Variants in TMEM209 observed in about 807,000 individuals in gnomAD.
TMEM209 encodes transmembrane protein 209.
In TMEM209, 65 loss-of-function variants were observed where a neutral mutation model predicts 76.2. The observed-to-expected ratio is 0.85, with a 90% confidence interval of 0.70 to 1.05. The LOEUF (loss-of-function observed/expected upper bound fraction) is 1.05. TMEM209 is among the 50% of genes least tolerant of loss of function. The pLI is 0.00. For missense variants in TMEM209, 623 were observed against 685.5 expected (o/e 0.91, Z 1.02); for synonymous variants, 239 against 237.6 (o/e 1.01, Z -0.06).
intron 13 of TMEM209, among the ~76,000 whole-genome samples, chr7:130,172,400 T>C (rs1215077664): frequency 6.6e-6 from 1 of 152,078 alleles, no homozygotes; most frequent in East Asian, 1.9e-4. Context: ...TGGAGTGCAG[T>C]GGCGTGATCT....
chr7:130,193,232 T>TG (rs1352108241), intron 5 of TMEM209, among the ~76,000 whole-genome samples: 8 of 152,198 alleles, frequency 5.3e-5, no homozygotes, highest in Admixed American at 2.0e-4. Flanking sequence ...AATTAGGTAA[T>TG]GGAGTATTAG....
chr7:130,198,701 A>G (rs1232910846), intron 5 of TMEM209, among the ~76,000 whole-genome samples: 2 of 152,242 alleles, frequency 1.3e-5, no homozygotes, highest in Non-Finnish European at 2.9e-5. Context: ...ATAAATTCTG[A>G]TACTGAAGCA....
chr7:130,195,782 G>A (rs73487932), intron 5 of TMEM209, among the ~76,000 whole-genome samples: 2,379 of 152,102 alleles, frequency 0.016, 62 homozygotes, highest in African/African-American at 0.054. Context: ...ATTACATTCT[G>A]TAAAGTGAAA....
chr7:130,177,362 A>AG lies in TMEM209; in HGVS notation c.1246+1039_1246+1040insC, dbSNP rs1416780860. Among the ~76,000 whole-genome samples, 3 of 151,956 alleles carry AG rather than the reference A, an allele frequency of 2.0e-5. No homozygotes were observed. The East Asian group carries it at 5.8e-4, about 29-fold the overall frequency. On this transcript the variant is annotated intron_variant, in intron 10 of 14. Transcript: ENST00000397622. Reference sequence around the variant, plus strand: ...GAGACTGTCTCCAAAAAAAAAAAAAAAAGAATGATAATTGTATTCTGGTTA... The same window carrying AG: ...GAGACTGTCTCCAAAAAAAAAAAAAAGAAGAATGATAATTGTATTCTGGTTA...
rs142714619 is a variant in TMEM209 at position 130,174,926 on chromosome 7, C to A, written c.1344+586G>T. Among the ~76,000 whole-genome samples, 335 of 151,424 alleles carry A rather than the reference C, an allele frequency of 2.2e-3. 4 individuals carry two copies. The highest frequency in any genetic ancestry group is 1.5e-3 in the Non-Finnish European group (103 of 67,886). ...AAGTAAAAAAAAACCCTAAATATTA[C>A]AGAAGTGGAAAAAAAGCAGAATACA... On this transcript the variant is annotated intron_variant, in intron 11 of 14. Coordinates refer to ENST00000397622, the MANE Select transcript of TMEM209 (RefSeq NM_032842.4).
chr7:130,188,262 A>C lies in TMEM209; in HGVS notation c.776-2895T>G, dbSNP rs1259082406. 2.0e-5 allele frequency among the ~76,000 whole-genome samples: 3 copies of C among 152,206 alleles called. No homozygotes were observed. The East Asian group carries it at 5.8e-4, about 29-fold the overall frequency. Reference sequence around the variant, plus strand: ...TAAAACAGAATGCTCCTCTTTAGAGAAGAATGCCAAACTATGAAGTGTAGA... The same window carrying C: ...TAAAACAGAATGCTCCTCTTTAGAGCAGAATGCCAAACTATGAAGTGTAGA... On this transcript the variant is annotated intron_variant, in intron 6 of 14. Coordinates refer to ENST00000397622, the MANE Select transcript of TMEM209 (RefSeq NM_032842.4).
At chr7:130,176,165 C>T (rs1003497916) in intron 10 of TMEM209, among the ~76,000 whole-genome samples, 11 of 148,610 alleles carry the variant, frequency 7.4e-5, no homozygotes, top group African/African-American at 2.0e-4. Flanking sequence ...CAGGCTGGAG[C>T]GCAGTAGTGT....
At chr7:130,188,813 G>C (rs941066604) in intron 6 of TMEM209, among the ~76,000 whole-genome samples, 1 of 152,004 alleles carries the variant, frequency 6.6e-6, no homozygotes, top group African/African-American at 2.4e-5. Context: ...GCAGCATCAC[G>C]TATCTCCTGA....
intron 6 of TMEM209, among the ~76,000 whole-genome samples, chr7:130,188,570 G>T (rs78128168): frequency 0.21 from 31,012 of 145,244 alleles, 4,568 homozygotes; most frequent in East Asian, 0.59. Context: ...CACTCCAGCC[G>T]GGGTGACAGA....
Position 130,166,501 on chromosome 7 carries a change from C to A in TMEM209, c.1636G>T (p.Val546Phe). Residue 546 changes from valine (V) to phenylalanine (F), a missense_variant, in exon 15 of 15, where the codon GTT becomes TTT. Coordinates refer to ENST00000397622, the MANE Select transcript of TMEM209 (RefSeq NM_032842.4). ...TTCACACCAGATAGACCAAGATTAACTCTCCTATAAAGAGAAAAAAAATTT... is the reference window on the plus strand; with the variant it reads ...TTCACACCAGATAGACCAAGATTAAATCTCCTATAAAGAGAAAAAAAATTT... ...KTKESGMLGRVNLGLSGVNIL... is the reference protein window; with the variant it reads ...KTKESGMLGRFNLGLSGVNIL... 1 of 1,536,152 alleles carries A rather than the reference C, an allele frequency of 6.5e-7. No homozygotes were observed.
intron 13 of TMEM209, 105 bp downstream of exon 13, chr7:130,173,527 A>T (rs1797140435): frequency 1.1e-5 from 9 of 820,390 alleles, no homozygotes; most frequent in Non-Finnish European, 1.7e-5. Context: ...TTTCCAATTT[A>T]AAAAATTTAC....
Position 130,192,778 on chromosome 7 carries a change from C to G in TMEM209, c.619G>C (p.Val207Leu), listed in dbSNP as rs762026740. Reference sequence around the variant, plus strand: ...AATCCACTGCTCTCCACTGGTCCAACAGTGGTAGGGTACGGAGAAGGAGGA... The same window carrying G: ...AATCCACTGCTCTCCACTGGTCCAAGAGTGGTAGGGTACGGAGAAGGAGGA... ...PSPPSPYPTTVGPVESSGLRS... is the reference protein window; with the variant it reads ...PSPPSPYPTTLGPVESSGLRS... The change falls in exon 6 of 15, where the codon GTT becomes CTT. Residue 207 changes from valine (V) to leucine (L), a missense_variant. By Grantham distance (32) the Val-to-Leu change is conservative. Coordinates refer to ENST00000397622, the MANE Select transcript of TMEM209 (RefSeq NM_032842.4). The G allele has an allele frequency of 1.9e-6, 3 of 1,613,964 alleles. No homozygotes were observed. The East Asian group carries it at 6.7e-5, about 36-fold the overall frequency.
At chr7:130,196,079 A>C (rs1797961684) in intron 5 of TMEM209, among the ~76,000 whole-genome samples, 1 of 152,156 alleles carries the variant, frequency 6.6e-6, no homozygotes, top group Non-Finnish European at 1.5e-5. Context: ...CCCCAGCAAA[A>C]TATTAATAAC....
intron 6 of TMEM209, among the ~76,000 whole-genome samples, chr7:130,191,340 AT>A (rs1452996081): frequency 2.0e-5 from 3 of 151,952 alleles, no homozygotes; most frequent in African/African-American, 7.3e-5. Flanking sequence ...GCAAGAAAAC[AT>A]TTAATGGAAG....
intron 13 of TMEM209, among the ~76,000 whole-genome samples, chr7:130,171,767 C>G (rs1335256380): frequency 6.6e-6 from 1 of 152,154 alleles, no homozygotes; most frequent in African/African-American, 2.4e-5. Flanking sequence ...CAGCTCATGC[C>G]TGTTATCATC....
intron 14 of TMEM209, among the ~76,000 whole-genome samples, chr7:130,167,009 G>A (rs34193094): frequency 0.18 from 27,978 of 151,990 alleles, 2,952 homozygotes; most frequent in Middle Eastern, 0.25. Context: ...AGAGTAGTAT[G>A]ACTGTATTCA....
chr7:130,188,791 C>G (rs985206503), intron 6 of TMEM209, among the ~76,000 whole-genome samples: 7 of 151,910 alleles, frequency 4.6e-5, no homozygotes, highest in African/African-American at 1.7e-4. Context: ...ATATTACCGA[C>G]AAAGAGACAA....
intron 6 of TMEM209, among the ~76,000 whole-genome samples, chr7:130,189,926 A>C (rs923914328): frequency 6.6e-6 from 1 of 152,198 alleles, no homozygotes; most frequent in Admixed American, 6.5e-5. Context: ...TTAGAGAAAC[A>C]GACTGACTCT....
At chr7:130,202,119 T>C (rs372897948) in intron 4 of TMEM209, 28 bp from the exon 5 acceptor site, 19 of 1,564,210 alleles carry the variant, frequency 1.2e-5, no homozygotes, top group Admixed American at 2.0e-5. Flanking sequence ...GCAACATATG[T>C]GTATGTACCT....
Sources: allele counts gnomAD v4.1 joint callset (sites outside exome capture counted in the v4.1 genomes callset), GRCh38; gene constraint gnomAD v4.1.1; transcripts MANE v1.5; gene names NCBI Gene and HGNC (gene_info 2026-07-23, HGNC 2026-07-21).